The following WDR72 variants were observed in gnomAD, a reference collection of about 807,000 sequenced individuals.
The protein encoded by WDR72 is WD repeat domain 72, also known as WD repeat-containing protein 72.
A neutral mutation model predicts 124.2 loss-of-function variants in WDR72; 120 were observed. The ratio of observed to expected loss-of-function variants is 0.97; its 90% confidence interval spans 0.83 to 1.12. The LOEUF (loss-of-function observed/expected upper bound fraction) is 1.12, where lower values mean the gene tolerates loss of function less well. Among genes scored for constraint, WDR72 ranks in the 50% most tolerant of loss-of-function variants. The probability of loss-of-function intolerance (pLI) is 0.00; values close to 1 mark genes in which losing one functional copy is unlikely to be tolerated. For missense variants in WDR72, 1,387 were observed against 1,278.8 expected (o/e 1.08, Z -1.29); for synonymous variants, 452 against 441.7 (o/e 1.02, Z -0.29).
chr15:53,701,133 A>G (rs1378357148), intron 12 of WDR72, among the ~76,000 whole-genome samples: 1 of 152,212 alleles, frequency 6.6e-6, no homozygotes, highest in African/African-American at 2.4e-5. Context: ...TTGACATTTC[A>G]TGAGAAAATT....
intron 9 of WDR72, among the ~76,000 whole-genome samples, chr15:53,706,344 GTGTGTGTATATATATATATATATATATA>G (rs1567040002): frequency 8.7e-5 from 4 of 46,064 alleles, no homozygotes; most frequent in African/African-American, 9.7e-5. Flanking sequence ...GTGTGTGTGT[GTGTGTGTATATATATATATATATATATA>G]TATATATATA....
rs1229505316 is a variant in WDR72, at chr15:53,597,199, T to C, written c.3028A>G (p.Asn1010Asp). ...HMKSLGKIPV[N>D]SQPVSMAENG... ...TCTGCCATGGACACTGGTTGACTAT[T>C]GACGGGTATCTTTCCCAAACTCTTC... Residue 1010 changes from asparagine (N) to aspartate (D), a missense_variant, in exon 18 of 20, where the codon AAT becomes GAT. By Grantham distance (23) the Asn-to-Asp change is conservative. Transcript: ENST00000360509. 2 of 1,613,822 alleles carry C rather than the reference T, an allele frequency of 1.2e-6. No homozygotes were observed. The highest frequency in any genetic ancestry group is 1.1e-5 in the South Asian group (1 of 91,074).
At chr15:53,757,163 C>G (rs1210039722) in intron 1 of WDR72, among the ~76,000 whole-genome samples, 2 of 152,132 alleles carry the variant, frequency 1.3e-5, no homozygotes, top group Non-Finnish European at 2.9e-5. Context: ...GGGCCTAGAC[C>G]TCAGTGCACA....
At chr15:53,695,738 T>C (rs756054492) in intron 13 of WDR72, among the ~76,000 whole-genome samples, 2 of 152,194 alleles carry the variant, frequency 1.3e-5, no homozygotes, top group African/African-American at 2.4e-5. Flanking sequence ...CATCTCACTA[T>C]GCCACCTATC....
At chr15:53,686,738 C>A (rs1289717379) in intron 13 of WDR72, among the ~76,000 whole-genome samples, 1 of 149,608 alleles carries the variant, frequency 6.7e-6, no homozygotes, top group Non-Finnish European at 1.5e-5. Context: ...AACTCTCCAC[C>A]CCAAATCAAC....
chr15:53,756,354 T>C (rs551783924), intron 1 of WDR72, among the ~76,000 whole-genome samples: 1 of 152,320 alleles, frequency 6.6e-6, no homozygotes, highest in East Asian at 1.9e-4. Flanking sequence ...CACGTGGAAA[T>C]GTGAGTCAGT....
At chr15:53,614,087 A>T (rs1471395224) in intron 15 of WDR72, among the ~76,000 whole-genome samples, 1 of 152,094 alleles carries the variant, frequency 6.6e-6, no homozygotes, top group Non-Finnish European at 1.5e-5. Flanking sequence ...TGACTAATGC[A>T]ACAAATTTAA....
At position 53,699,804 on chromosome 15, in the gene WDR72, A is replaced by C. The variant is rs746716378; in HGVS notation, c.1711T>G (p.Phe571Val). 9.3e-6 allele frequency: 15 copies of C among 1,614,060 alleles called. No homozygotes were observed. In the Admixed American group the frequency reaches 2.5e-4, roughly 27 times the overall value. Residue 571 changes from phenylalanine (F) to valine (V), a missense_variant, in exon 13 of 20, where the codon TTT becomes GTT. Physicochemically the swap from Phe to Val is conservative, Grantham distance 50. Transcript: ENST00000360509. ...TCATCTGCACATCCAACAATTAAAA[A>C]ATTCTCAACCGGGTGCCATTTTATC... is the stretch of plus-strand genomic sequence containing the variant. ...RMIKWHPVEN[F>V]LIVGCADDSV... is the part of the protein sequence containing the mutation.
At chr15:53,623,896 T>C (rs568671196) in intron 14 of WDR72, among the ~76,000 whole-genome samples, 3 of 152,330 alleles carry the variant, frequency 2.0e-5, no homozygotes, top group South Asian at 4.1e-4. Flanking sequence ...CATGAGATGG[T>C]AACTCATTGT....
intron 18 of WDR72, among the ~76,000 whole-genome samples, chr15:53,539,456 T>C (rs945123349): frequency 6.6e-6 from 1 of 152,052 alleles, no homozygotes; most frequent in Non-Finnish European, 1.5e-5. Context: ...AGTAATTACA[T>C]AGTAATACAT....
intron 14 of WDR72, among the ~76,000 whole-genome samples, chr15:53,658,678 T>C (rs1567010077): frequency 6.6e-6 from 1 of 152,226 alleles, no homozygotes; most frequent in South Asian, 2.1e-4. Flanking sequence ...TTACACAAAT[T>C]CTTTTCTATT....
At chr15:53,536,573 A>G (rs1892776615) in intron 18 of WDR72, among the ~76,000 whole-genome samples, 1 of 152,172 alleles carries the variant, frequency 6.6e-6, no homozygotes, top group African/African-American at 2.4e-5. Context: ...AAAAAGCTGG[A>G]TATTTATCTA....
chr15:53,517,883 GGAAAAAAA>G, intron 19 of WDR72, 129 bp from the exon 20 acceptor site: 5 of 845,142 alleles, frequency 5.9e-6, no homozygotes, highest in East Asian at 2.6e-5. Flanking sequence ...GAGAGAATGA[GGAAAAAAA>G]GAAAGAAAGG....
intron 18 of WDR72, among the ~76,000 whole-genome samples, chr15:53,528,316 T>A (rs1024526798): frequency 2.0e-5 from 3 of 152,104 alleles, no homozygotes; most frequent in Admixed American, 6.6e-5. Context: ...TAGTTACATA[T>A]TGCATTAGAC....
chr15:53,614,004 A>T (rs1481548150), intron 15 of WDR72, among the ~76,000 whole-genome samples: 1 of 152,056 alleles, frequency 6.6e-6, no homozygotes, highest in Admixed American at 6.6e-5. Flanking sequence ...TGACCTGCAC[A>T]TCTTAGTTTG....
chr15:53,734,731 C>G (rs1231475501), intron 1 of WDR72, among the ~76,000 whole-genome samples: 6 of 151,486 alleles, frequency 4.0e-5, no homozygotes. Flanking sequence ...GAAAAACTAC[C>G]CCAGGAAGAT....
At chr15:53,680,798 G>T (rs953809495) in intron 13 of WDR72, among the ~76,000 whole-genome samples, 3 of 152,140 alleles carry the variant, frequency 2.0e-5, no homozygotes, top group African/African-American at 7.2e-5. Context: ...GCTGAAGCAG[G>T]TCCTTTGTCT....
At chr15:53,611,496 CA>C (rs1353334840) in intron 16 of WDR72, among the ~76,000 whole-genome samples, 1 of 151,978 alleles carries the variant, frequency 6.6e-6, no homozygotes, top group African/African-American at 2.4e-5. Flanking sequence ...AACAAACAAA[CA>C]AACAACAACA....
chr15:53,647,760 T>C (rs1199601431), intron 14 of WDR72, among the ~76,000 whole-genome samples: 3 of 152,082 alleles, frequency 2.0e-5, no homozygotes, highest in East Asian at 1.9e-4. Context: ...ATTTGGGACA[T>C]TGTTTGTTAC....
Sources: gnomAD v4.1 joint callset for allele counts (sites outside exome capture counted in the v4.1 genomes callset) on GRCh38, gnomAD v4.1.1 for gene constraint, MANE v1.5 for transcripts, NCBI Gene and HGNC (gene_info 2026-07-23, HGNC 2026-07-21) for gene names.